The following CNTN3 variants were observed in gnomAD, a reference collection of about 807,000 sequenced individuals.
CNTN3 encodes the protein contactin-3.
CNTN3 carries 60 observed loss-of-function variants against 119.1 expected under a neutral mutation model. That is an observed-to-expected ratio of 0.50 (90% CI 0.41 to 0.62). The LOEUF is 0.62. Ranked by LOEUF, CNTN3 falls within the 20% of genes least tolerant of loss-of-function variation. CNTN3 has a pLI of 0.00. For missense variants in CNTN3, 1,101 were observed against 1,242.4 expected (o/e 0.89, Z 1.71); for synonymous variants, 450 against 438.7 (o/e 1.03, Z -0.32).
intron 1 of CNTN3, among the ~76,000 whole-genome samples, chr3:74,574,925 C>CTTT (rs71625983): frequency 3.4e-5 from 5 of 145,412 alleles, no homozygotes; most frequent in East Asian, 2.0e-4. Context: ...GAAGCATTTT[C>CTTT]TTTTTTTTTT....
At chr3:74,303,253 G>A (rs1240793308) in intron 13 of CNTN3, among the ~76,000 whole-genome samples, 1 of 152,092 alleles carries the variant, frequency 6.6e-6, no homozygotes, top group Non-Finnish European at 1.5e-5. Context: ...ATGACAAGCG[G>A]ATTACCATGG....
At chr3:74,327,348 C>T (rs901264201) in intron 13 of CNTN3, among the ~76,000 whole-genome samples, 58 of 151,830 alleles carry the variant, frequency 3.8e-4, no homozygotes, top group Middle Eastern at 3.4e-3. Context: ...AGGCTGGTCT[C>T]GAACTCCTGA....
intron 1 of CNTN3, among the ~76,000 whole-genome samples, chr3:74,556,414 T>C (rs114327069): frequency 0.019 from 2,947 of 152,330 alleles, 46 homozygotes; most frequent in Admixed American, 0.055. Flanking sequence ...TGTGATCTTT[T>C]GTAATGCCTT....
chr3:74,288,154 C>CTTTTTTTTTTTTT (rs1299127961), intron 19 of CNTN3, among the ~76,000 whole-genome samples: 4 of 88,264 alleles, frequency 4.5e-5, no homozygotes, highest in East Asian at 7.3e-4. Flanking sequence ...CTTTTCTTTT[C>CTTTTTTTTTTTTT]TTTTCTTTTT....
chr3:74,433,490 G>C (rs1264190803), intron 4 of CNTN3, among the ~76,000 whole-genome samples: 3 of 152,184 alleles, frequency 2.0e-5, no homozygotes, highest in Non-Finnish European at 4.4e-5. Flanking sequence ...ATGTAGCAAA[G>C]CATCTAATAA....
At chr3:74,515,162 CTGAA>C (rs976555290) in intron 2 of CNTN3, among the ~76,000 whole-genome samples, 1 of 151,896 alleles carries the variant, frequency 6.6e-6, no homozygotes, top group Non-Finnish European at 1.5e-5. Flanking sequence ...TCCATAGAGT[CTGAA>C]TGTTATATCA....
At chr3:74,514,631 T>G (rs568534466) in intron 2 of CNTN3, among the ~76,000 whole-genome samples, 85 of 152,230 alleles carry the variant, frequency 5.6e-4, no homozygotes, top group African/African-American at 2.0e-3. Flanking sequence ...CACAACCAGA[T>G]GCTTATATAT....
chr3:74,288,114 A>T (rs1702149937), intron 19 of CNTN3, among the ~76,000 whole-genome samples: 1 of 152,006 alleles, frequency 6.6e-6, no homozygotes, highest in Non-Finnish European at 1.5e-5. Flanking sequence ...TAGTCTCAAA[A>T]AAAGTACTCA....
intron 1 of CNTN3, among the ~76,000 whole-genome samples, chr3:74,589,572 A>C (rs1291293534): frequency 4.2e-5 from 6 of 143,608 alleles, no homozygotes; most frequent in African/African-American, 1.6e-4. Context: ...ATCTAGAACT[A>C]GAAATACCAT....
chr3:74,505,407 C>T (rs1171637039), intron 2 of CNTN3, among the ~76,000 whole-genome samples: 1 of 151,814 alleles, frequency 6.6e-6, no homozygotes, highest in Non-Finnish European at 1.5e-5. Context: ...ATGCTGGGAA[C>T]TACTGCGACC....
Position 74,336,625 on chromosome 3 carries a change from T to C in CNTN3, c.1398A>G (p.Ile466Met). The change falls in exon 12 of 23, where the codon ATA becomes ATG. Residue 466 changes from isoleucine (I) to methionine (M), a missense_variant. Coordinates refer to ENST00000263665, the MANE Select transcript of CNTN3 (RefSeq NM_020872.3). Reference sequence around the variant, plus strand: ...CAGCATCAGCTTTAGTCACATTGGCTATTTTGAGTCCTCCATCGTTTAACA... The same window carrying C: ...CAGCATCAGCTTTAGTCACATTGGCCATTTTGAGTCCTCCATCGTTTAACA... ...ISLLNDGGLKIANVTKADAGT... is the reference protein window; with the variant it reads ...ISLLNDGGLKMANVTKADAGT... 6.2e-7 allele frequency: 1 copy of C among 1,611,144 alleles called. No individual in the cohort carries two copies. The highest frequency in any genetic ancestry group is 8.5e-7 in the Non-Finnish European group (1 of 1,177,956).
chr3:74,319,817 C>CAA (rs533398450), intron 13 of CNTN3, among the ~76,000 whole-genome samples: 2,123 of 139,658 alleles, frequency 0.015, 17 homozygotes, highest in Middle Eastern at 0.025. Context: ...AACAAATTTA[C>CAA]AAAAAAAAAA....
At chr3:74,484,255 C>T (rs947822637) in intron 4 of CNTN3, among the ~76,000 whole-genome samples, 10 of 152,080 alleles carry the variant, frequency 6.6e-5, no homozygotes, top group Admixed American at 1.3e-4. Context: ...ATTGAACATA[C>T]TTAAGCATAA....
chr3:74,573,514 G>C (rs1438872616), intron 1 of CNTN3, among the ~76,000 whole-genome samples: 1 of 152,086 alleles, frequency 6.6e-6, no homozygotes, highest in Non-Finnish European at 1.5e-5. Context: ...ACAACTCAGA[G>C]AATGGGACAA....
At chr3:74,425,629 G>A (rs1237011221) in intron 4 of CNTN3, among the ~76,000 whole-genome samples, 5 of 152,088 alleles carry the variant, frequency 3.3e-5, no homozygotes, top group Non-Finnish European at 7.4e-5. Flanking sequence ...ACATAAATAT[G>A]ACTTTCACAT....
intron 19 of CNTN3, among the ~76,000 whole-genome samples, chr3:74,285,794 T>TAG (rs1702101108): frequency 2.5e-5 from 1 of 39,750 alleles, no homozygotes; most frequent in Admixed American, 2.1e-4. Flanking sequence ...AGGGGAGATA[T>TAG]ATATATATAT....
intron 5 of CNTN3, among the ~76,000 whole-genome samples, chr3:74,414,831 T>A (rs1023244559): frequency 1.3e-5 from 2 of 151,616 alleles, no homozygotes; most frequent in African/African-American, 2.4e-5. Flanking sequence ...CCCCACTTGC[T>A]AGTGCACAGA....
intron 1 of CNTN3, among the ~76,000 whole-genome samples, chr3:74,559,523 T>G (rs1704120785): frequency 6.6e-6 from 1 of 152,022 alleles, no homozygotes; most frequent in Non-Finnish European, 1.5e-5. Flanking sequence ...AGGGAGCCTG[T>G]GGCTGGCAGT....
rs572825358 is a variant in CNTN3 at position 74,269,314 on chromosome 3, C to T, written c.2705-1936G>A. ...AAATGAATTTAATGCCTTATATAAACATTCTAAATTTTTATAATGTTCGCG... is the reference window on the plus strand; with the variant it reads ...AAATGAATTTAATGCCTTATATAAATATTCTAAATTTTTATAATGTTCGCG... On this transcript the variant is annotated intron_variant, in intron 20 of 22. Coordinates refer to ENST00000263665, the MANE Select transcript of CNTN3 (RefSeq NM_020872.3). Among the ~76,000 whole-genome samples the T allele has an allele frequency of 2.6e-5, 4 of 152,144 alleles. No individual in the cohort carries two copies. In the East Asian group the frequency reaches 7.8e-4, roughly 30 times the overall value.
Sources: allele counts gnomAD v4.1 joint callset (sites outside exome capture counted in the v4.1 genomes callset), GRCh38; gene constraint gnomAD v4.1.1; transcripts MANE v1.5; gene names NCBI Gene and HGNC (gene_info 2026-07-23, HGNC 2026-07-21).